GSE1: variants seen among roughly 807,000 people sequenced by gnomAD.
The protein encoded by GSE1 is Gse1 coiled-coil protein, also known as genetic suppressor element 1.
Under a neutral mutation model 112.6 loss-of-function variants are expected in GSE1, and 32 were observed. The observed-to-expected ratio is 0.28, with a 90% CI of 0.21 to 0.38. The LOEUF is 0.38. GSE1 is among the 10% of genes least tolerant of loss of function. The pLI is 1.00. For synonymous variants in GSE1, 1,115 were observed against 735.6 expected (o/e 1.52, Z -8.35); for missense variants, 2,348 against 1,699.2 (o/e 1.38, Z -6.71).
intron 2 of GSE1, among the ~76,000 whole-genome samples, chr16:85,499,500 CG>C (rs1450734223): frequency 6.6e-6 from 1 of 151,634 alleles, no homozygotes; most frequent in Non-Finnish European, 1.5e-5. Flanking sequence ...TTAGTAGAGA[CG>C]GGATTTCACC....
intron 1 of GSE1, among the ~76,000 whole-genome samples, chr16:85,301,384 G>A (rs540505269): frequency 6.6e-6 from 1 of 152,324 alleles, no homozygotes; most frequent in East Asian, 1.9e-4. Flanking sequence ...TGGGAGGCGG[G>A]TTCCTGGGAT....
chr16:85,612,916 C>CT (rs776056179), upstream of GSE1, among the ~76,000 whole-genome samples: 2 of 148,908 alleles, frequency 1.3e-5, no homozygotes, highest in African/African-American at 5.2e-5. Context: ...TGCTGCACTA[C>CT]TTTAAGAGTT....
chr16:85,483,560 C>T (rs1457651953), intron 2 of GSE1, among the ~76,000 whole-genome samples: 1 of 152,294 alleles, frequency 6.6e-6, no homozygotes, highest in Admixed American at 6.5e-5. Context: ...TCTCTTCCAC[C>T]AGGCGATGCC....
chr16:85,408,170 A>G (rs2048364453), intron 2 of GSE1, among the ~76,000 whole-genome samples: 1 of 36,324 alleles, frequency 2.8e-5, no homozygotes, highest in Non-Finnish European at 5.3e-5. Context: ...CCCCCCGGAT[A>G]ATCCTCACTG....
intron 1 of GSE1, chr16:85,580,280 C>T (rs930703272): frequency 1.3e-5 from 2 of 152,470 alleles, no homozygotes; most frequent in African/African-American, 4.8e-5. Context: ...TCCAGTCTCA[C>T]AGTGGAAAAG....
In GSE1 at chr16:85,311,781, G is replaced by A. The variant is rs1264671095; in HGVS notation, c.2284-45682G>A. Among the ~76,000 whole-genome samples the A allele has an allele frequency of 2.0e-5, 3 of 152,162 alleles. No individual in the cohort carries two copies. Among genetic ancestry groups the A allele is most frequent in the Admixed American group, 6.5e-5 (1 of 15,276 alleles). On this transcript the variant is annotated intron_variant, in intron 1 of 2. Transcript: ENST00000637419. The surrounding 1 kb of genome is among the most constrained non-coding windows in gnomAD (Gnocchi z 4.2). ...AGGGACATCTGTCCCACCTGCCGAT[G>A]CCCACATACCACCTTGCAGTCCTGG...
intron 1 of GSE1, among the ~76,000 whole-genome samples, chr16:85,301,800 G>T (rs2045534617): frequency 6.6e-6 from 1 of 152,202 alleles, no homozygotes; most frequent in South Asian, 2.1e-4. Context: ...TGGCCCAGAG[G>T]CCCCAGCAGT....
At chr16:85,663,154 A>G (rs1381958748) in intron 10 of GSE1, 61 bp downstream of exon 10, 1 of 1,294,420 alleles carries the variant, frequency 7.7e-7, no homozygotes. Flanking sequence ...TAGCGTCCAC[A>G]CCCTGCAGTC....
chr16:85,235,059 G>A (rs772166322), intron 1 of GSE1, among the ~76,000 whole-genome samples: 9 of 152,062 alleles, frequency 5.9e-5, no homozygotes, highest in Non-Finnish European at 1.0e-4. Context: ...CTGTAGATGG[G>A]GGCGGGGTGT....
chr16:85,635,045 G>A (rs1340531035), intron 2 of GSE1, among the ~76,000 whole-genome samples: 1 of 152,176 alleles, frequency 6.6e-6, no homozygotes, highest in Non-Finnish European at 1.5e-5. Flanking sequence ...GCCCTCCGGG[G>A]TGGCCACAGC....
chr16:85,640,265 C>G (rs779201923), intron 2 of GSE1, among the ~76,000 whole-genome samples: 4 of 152,222 alleles, frequency 2.6e-5, no homozygotes, highest in Non-Finnish European at 4.4e-5. Flanking sequence ...TTAACACCGG[C>G]CGGGGGCTCA....
chr16:85,541,903 G>A (rs147288890), intron 2 of GSE1, among the ~76,000 whole-genome samples: 14 of 152,380 alleles, frequency 9.2e-5, no homozygotes, highest in African/African-American at 3.4e-4. Context: ...AACGGGCTGA[G>A]CATGAGGGAA....
rs189332158 is a variant in GSE1, at chr16:85,287,861, G to T, written c.2284-69602G>T. 1.7e-3 allele frequency among the ~76,000 whole-genome samples: 263 copies of T among 152,304 alleles called. 1 individual carries two copies. The highest frequency in any genetic ancestry group is 6.0e-3 in the African/African-American group (251 of 41,570). ...CCATGGCTGGTCTGTTTTGTTCACA[G>T]CGGCATCCCTAGGACTCAGAATAAT... On this transcript the variant is annotated intron_variant, in intron 1 of 2. Coordinates refer to the GSE1 transcript ENST00000637419.
chr16:85,415,642 GGAA>G (rs1175683368), intron 2 of GSE1, among the ~76,000 whole-genome samples: 2 of 152,224 alleles, frequency 1.3e-5, no homozygotes, highest in South Asian at 2.1e-4. Context: ...TGCTCTGTTT[GGAA>G]GAAGATTCAT....
At chr16:85,246,235 A>G (rs528412926) in intron 1 of GSE1, among the ~76,000 whole-genome samples, 231 of 128,950 alleles carry the variant, frequency 1.8e-3, no homozygotes, top group African/African-American at 6.1e-3. Flanking sequence ...ACACACACAC[A>G]CACGCACACC....
rs1277356104 is a variant in GSE1, at chr16:85,170,955, G to C, written c.1431G>C (p.Leu477=). 3.0e-6 allele frequency: 3 copies of C among 985,372 alleles called. No homozygotes were observed. The African/African-American group carries it at 5.2e-5, about 17-fold the overall frequency. The allele number at this position is 985,372 out of a possible 1,614,324, so 61.0% of individuals were successfully genotyped here. A position where few individuals can be genotyped will look rare whatever the true frequency, so the allele number is the denominator to read the frequency against. The change falls in exon 1 of 3, where the codon CTG becomes CTC. Residue 477 remains leucine, a synonymous_variant. Coordinates refer to the GSE1 transcript ENST00000637419. The stretch of plus-strand genomic sequence containing the variant: ...AAGAGGGCCTGCCCTCCGGGGCCCT[G>C]CGAGAGGCCTGCTACCTCTGTGGGG...
At chr16:85,338,427 C>T (rs544571129) in intron 1 of GSE1, among the ~76,000 whole-genome samples, 20 of 152,274 alleles carry the variant, frequency 1.3e-4, no homozygotes, top group African/African-American at 4.1e-4. Context: ...CTCTGTGTGA[C>T]GTGAGGCAGC....
At chr16:85,647,665 G>C (rs1421453373) in intron 2 of GSE1, among the ~76,000 whole-genome samples, 2 of 152,230 alleles carry the variant, frequency 1.3e-5, no homozygotes, top group Non-Finnish European at 1.5e-5. Context: ...CTGCTCACCA[G>C]AACCTCCGCC....
At chr16:85,386,815 G>C (rs1478517864) in intron 2 of GSE1, among the ~76,000 whole-genome samples, 1 of 152,200 alleles carries the variant, frequency 6.6e-6, no homozygotes, top group Non-Finnish European at 1.5e-5. Context: ...TGGAGTTCTT[G>C]TTACCAGATT....
Sources: gnomAD v4.1 joint callset for allele counts (sites outside exome capture counted in the v4.1 genomes callset) on GRCh38, gnomAD v4.1.1 for gene constraint, Gnocchi (gnomAD v3.1) non-coding constraint, MANE v1.5 for transcripts, NCBI Gene and HGNC (gene_info 2026-07-23, HGNC 2026-07-21) for gene names.